ZDHHC7: variants seen among roughly 807,000 people sequenced by gnomAD.
ZDHHC7 encodes the protein zDHHC palmitoyltransferase 7, also known as palmitoyltransferase ZDHHC7.
Under a neutral mutation model 34.1 loss-of-function variants are expected in ZDHHC7, and 12 were observed. That is an observed-to-expected ratio of 0.35 (90% confidence interval 0.23 to 0.57). ZDHHC7 has a LOEUF of 0.57. Ranked by LOEUF, ZDHHC7 falls within the 20% of genes least tolerant of loss-of-function variation. The pLI is 0.84. For missense variants in ZDHHC7, 388 were observed against 402.7 expected (o/e 0.96, Z 0.31); for synonymous variants, 185 against 155.4 (o/e 1.19, Z -1.42).
intron 1 of ZDHHC7, among the ~76,000 whole-genome samples, chr16:85,004,152 G>A (rs1057495441): frequency 2.0e-5 from 3 of 150,784 alleles, no homozygotes; most frequent in African/African-American, 4.9e-5. Flanking sequence ...ACTCAGTCAC[G>A]ACCCCACTCT....
At chr16:84,993,545 C>G (rs9939903) in intron 2 of ZDHHC7, among the ~76,000 whole-genome samples, 43,713 of 151,264 alleles carry the variant, frequency 0.29, 6,555 homozygotes, top group African/African-American at 0.35. Flanking sequence ...GGGGGACTGA[C>G]GTGGAAGGAT....
intron 2 of ZDHHC7, 126 bp downstream of exon 2, chr16:84,995,796 G>C (rs572178386): frequency 1.1e-4 from 16 of 152,340 alleles, no homozygotes; most frequent in African/African-American, 3.6e-4. Context: ...AGGAAGGCGT[G>C]CCTGTCAGCT....
Position 84,976,499 on chromosome 16 carries a change from A to C in ZDHHC7, c.771T>G (p.Ser257Arg), listed in dbSNP as rs377270471. Residue 257 changes from serine (S) to arginine (R), a missense_variant, in exon 8 of 8, where the codon AGT becomes AGG. Transcript: ENST00000313732. Reference sequence around the variant, plus strand: ...GCCTCCGCTCCCATGTGGGCTTCTCACTTTTCAATCGCTCGATCTCCTGGA... The same window carrying C: ...GCCTCCGCTCCCATGTGGGCTTCTCCCTTTTCAATCGCTCGATCTCCTGGA... ...NDETEIERLK[S>R]EKPTWERRLR... is the part of the protein sequence containing the mutation. 39 of 1,613,488 alleles carry C rather than the reference A, an allele frequency of 2.4e-5. No homozygotes were observed. The highest frequency in any genetic ancestry group is 5.1e-6 in the Non-Finnish European group (6 of 1,179,980).
chr16:84,985,952 C>CAAAAAAAAA (rs58315276), intron 3 of ZDHHC7, among the ~76,000 whole-genome samples: 4 of 54,028 alleles, frequency 7.4e-5, no homozygotes, highest in African/African-American at 1.4e-4. Flanking sequence ...GAGACTGTCT[C>CAAAAAAAAA]AAAAAAAAAA....
intron 1 of ZDHHC7, among the ~76,000 whole-genome samples, chr16:85,006,262 G>A (rs1567507150): frequency 6.6e-6 from 1 of 152,100 alleles, no homozygotes; most frequent in East Asian, 1.9e-4. Flanking sequence ...GAGAGGCTGA[G>A]GCAGGAGGAT....
rs58315276 is a variant in ZDHHC7 at position 84,985,952 on chromosome 16, C to CAAAAAA, written c.316-3964_316-3959dup. ...CCTGGGCAACAGAGTGAGACTGTCT[C>CAAAAAA]AAAAAAAAAAAAAAAAAAAAAAAAG... is the stretch of plus-strand genomic sequence containing the variant. On this transcript the variant is annotated intron_variant, in intron 3 of 7. Transcript: ENST00000313732. Among the ~76,000 whole-genome samples, 235 of 54,006 alleles carry CAAAAAA rather than the reference C, an allele frequency of 4.4e-3. 17 individuals carry two copies. Among genetic ancestry groups the CAAAAAA allele is most frequent in the African/African-American group, 0.015 (218 of 14,230 alleles). The allele number at this position is 54,006 out of a possible 152,430, so 35.4% of individuals were successfully genotyped here. A position where few individuals can be genotyped will look rare whatever the true frequency, so the allele number is the denominator to read the frequency against.
chr16:85,017,044 C>T, the ZDHHC7 span, among the ~76,000 whole-genome samples: 27 of 151,570 alleles, frequency 1.8e-4, no homozygotes, highest in African/African-American at 4.6e-4. Flanking sequence ...TAGGTTCAAG[C>T]GACTCCCCTG....
chr16:85,010,977 C>T (rs2072783409), intron 1 of ZDHHC7, among the ~76,000 whole-genome samples: 1 of 152,252 alleles, frequency 6.6e-6, no homozygotes, highest in Non-Finnish European at 1.5e-5. Flanking sequence ...GTAACCACCA[C>T]CCCGTCATTA....
intron 3 of ZDHHC7, among the ~76,000 whole-genome samples, chr16:84,985,522 C>T (rs916270165): frequency 3.3e-5 from 5 of 152,164 alleles, no homozygotes; most frequent in African/African-American, 1.2e-4. Flanking sequence ...AACTGTGTTT[C>T]TTCAACTTAA....
At chr16:84,976,786 A>G (rs2072304022) in intron 7 of ZDHHC7, among the ~76,000 whole-genome samples, 1 of 152,208 alleles carries the variant, frequency 6.6e-6, no homozygotes, top group South Asian at 2.1e-4. Flanking sequence ...GTGTACAGAC[A>G]TTTACTGAGC....
At chr16:84,987,714 C>T (rs1287217107) in intron 3 of ZDHHC7, among the ~76,000 whole-genome samples, 3 of 152,198 alleles carry the variant, frequency 2.0e-5, no homozygotes, top group Non-Finnish European at 4.4e-5. Context: ...CATCAACTAA[C>T]GATGGCTATA....
chr16:85,024,093 T>C, the ZDHHC7 span, among the ~76,000 whole-genome samples: 1 of 151,990 alleles, frequency 6.6e-6, no homozygotes, highest in Admixed American at 6.6e-5. Context: ...AATTTTTGTA[T>C]TTTTAGTAGA....
At chr16:85,015,578 C>T (rs1039327401), upstream of ZDHHC7, among the ~76,000 whole-genome samples, 2 of 152,134 alleles carry the variant, frequency 1.3e-5, no homozygotes, top group African/African-American at 2.4e-5. Flanking sequence ...GGGCCAGGCA[C>T]GGTTGCTCAC....
At position 84,977,932 on chromosome 16, in the gene ZDHHC7, T is replaced by A. The variant is rs770136123; in HGVS notation, c.611A>T (p.Gln204Leu). Residue 204 changes from glutamine to leucine, a missense_variant, in exon 6 of 8, where the codon CAG becomes CTG. Gln to Leu is a moderately radical substitution (Grantham distance 113). Coordinates refer to ENST00000313732, the MANE Select transcript of ZDHHC7 (RefSeq NM_017740.3). The part of the protein sequence containing the change: ...GFQFISCVRG[Q>L]WTECSDFSPP... ...ATAGCCAGGGAACTTACCAGTCCACTGCCCTCGGACACAGGAGATGAACTG... is the reference window on the plus strand; with the variant it reads ...ATAGCCAGGGAACTTACCAGTCCACAGCCCTCGGACACAGGAGATGAACTG... 32 of 1,613,720 alleles carry A rather than the reference T, an allele frequency of 2.0e-5. No individual in the cohort carries two copies. The Admixed American group carries it at 4.8e-4, about 24-fold the overall frequency.
At chr16:84,979,042 A>G in intron 5 of ZDHHC7, 147 bp downstream of exon 5, 3 of 719,962 alleles carry the variant, frequency 4.2e-6, no homozygotes, top group African/African-American at 1.8e-5. Context: ...CTTCCTGCCA[A>G]TGACAGCACA....
the ZDHHC7 span, among the ~76,000 whole-genome samples, chr16:85,019,240 C>T: frequency 6.6e-6 from 1 of 152,228 alleles, no homozygotes; most frequent in Non-Finnish European, 1.5e-5. Flanking sequence ...CATCTCACGT[C>T]TCACCTGTAT....
At chr16:85,015,618 A>G (rs1165935420), upstream of ZDHHC7, among the ~76,000 whole-genome samples, 1 of 152,136 alleles carries the variant, frequency 6.6e-6, no homozygotes, top group Non-Finnish European at 1.5e-5. Flanking sequence ...TGGGGGGCCA[A>G]GGCAGGAGGA....
At chr16:85,008,697 G>A (rs1347700861) in intron 1 of ZDHHC7, among the ~76,000 whole-genome samples, 2 of 151,862 alleles carry the variant, frequency 1.3e-5, no homozygotes, top group African/African-American at 4.9e-5. Flanking sequence ...TTGGGAATAA[G>A]ATATTTCAGT....
chr16:85,004,151 C>A (rs1051850140), intron 1 of ZDHHC7, among the ~76,000 whole-genome samples: 1 of 151,754 alleles, frequency 6.6e-6, no homozygotes, highest in Non-Finnish European at 1.5e-5. Context: ...CACTCAGTCA[C>A]GACCCCACTC....
Sources: gnomAD v4.1 joint callset for allele counts (sites outside exome capture counted in the v4.1 genomes callset) on GRCh38, gnomAD v4.1.1 for gene constraint, MANE v1.5 for transcripts, NCBI Gene and HGNC (gene_info 2026-07-23, HGNC 2026-07-21) for gene names.